The following NAALADL2 variants were observed in gnomAD, a reference collection of about 807,000 sequenced individuals.
The protein encoded by NAALADL2 is N-acetylated alpha-linked acidic dipeptidase like 2, also known as inactive N-acetylated-alpha-linked acidic dipeptidase-like protein 2.
A neutral mutation model predicts 87.2 loss-of-function variants in NAALADL2; 76 were observed. The ratio of observed to expected loss-of-function variants is 0.87; its 90% CI spans 0.72 to 1.05. The LOEUF is 1.05. Among genes scored for constraint, NAALADL2 ranks in the 50% least tolerant of loss-of-function variants. The pLI is 0.00. For missense variants in NAALADL2, 1,089 were observed against 945.8 expected, an observed-to-expected ratio of 1.15 and a Z score of -1.99; for synonymous variants, 354 against 331.0, an observed-to-expected ratio of 1.07 and a Z score of -0.75.
intron 3 of NAALADL2, among the ~76,000 whole-genome samples, chr3:175,236,501 T>C (rs1745893826): frequency 1.3e-5 from 2 of 149,412 alleles, no homozygotes; most frequent in African/African-American, 5.0e-5. Flanking sequence ...TCAGCCAAGA[T>C]TGCCCCATTG....
At chr3:175,496,573 G>A (rs202198768) in intron 9 of NAALADL2, among the ~76,000 whole-genome samples, 1 of 151,938 alleles carries the variant, frequency 6.6e-6, no homozygotes, top group Non-Finnish European at 1.5e-5. Context: ...GTTCTTTTTT[G>A]ATACAGGATC....
intron 11 of NAALADL2, among the ~76,000 whole-genome samples, chr3:175,699,505 C>G (rs1327695916): frequency 6.6e-6 from 1 of 151,886 alleles, no homozygotes; most frequent in African/African-American, 2.4e-5. Flanking sequence ...CTGGAGCCTC[C>G]CATTGATATT....
intron 1 of NAALADL2, among the ~76,000 whole-genome samples, chr3:175,087,309 T>C (rs62287687): frequency 0.24 from 36,168 of 152,096 alleles, 4,389 homozygotes; most frequent in East Asian, 0.33. Context: ...CCCTGGCAGC[T>C]GCCCCTTCCG....
intron 5 of NAALADL2, among the ~76,000 whole-genome samples, chr3:175,444,005 A>G (rs1430495588): frequency 6.6e-6 from 1 of 152,220 alleles, no homozygotes; most frequent in Non-Finnish European, 1.5e-5. Context: ...GGAATGGCTT[A>G]AGCAAAAACA....
intron 2 of NAALADL2, among the ~76,000 whole-genome samples, chr3:175,172,656 A>C (rs1325153554): frequency 1.3e-5 from 2 of 152,198 alleles, no homozygotes; most frequent in Admixed American, 6.5e-5. Context: ...AAAGTTGCTT[A>C]TGACTTATGT....
chr3:174,964,983 C>A (rs1742661882), intron 1 of NAALADL2, among the ~76,000 whole-genome samples: 1 of 150,756 alleles, frequency 6.6e-6, no homozygotes, highest in Non-Finnish European at 1.5e-5. Context: ...ATTGCTACAT[C>A]AAAAAAAATG....
intron 9 of NAALADL2, among the ~76,000 whole-genome samples, chr3:175,490,383 T>C (rs1254294525): frequency 6.6e-6 from 1 of 151,952 alleles, no homozygotes; most frequent in Non-Finnish European, 1.5e-5. Flanking sequence ...TGTTTTTTTG[T>C]TGTTGTTGTT....
At chr3:174,735,079 A>G (rs1259472616) in intron 2 of NAALADL2, among the ~76,000 whole-genome samples, 2 of 152,210 alleles carry the variant, frequency 1.3e-5, no homozygotes. Flanking sequence ...TATAGCTTTC[A>G]AGTATCTCAA....
upstream of NAALADL2, among the ~76,000 whole-genome samples, chr3:174,858,561 T>C (rs114539692): frequency 7.3e-3 from 1,111 of 152,138 alleles, 12 homozygotes; most frequent in African/African-American, 0.025. Flanking sequence ...GGTTGAACAG[T>C]TTTTTTCAGG....
rs1754926342 is a variant in NAALADL2, at chr3:175,808,898, G to A, written c.*5695G>A. ...TACATATATTTTTCAATCAAAATGT[G>A]TAATTATTTAATTATCTAGCCTGCT... On this transcript the variant is annotated 3_prime_UTR_variant, in exon 14 of 14. Transcript: ENST00000454872. 6.6e-6 allele frequency: 1 copy of A among 151,932 alleles called. No individual in the cohort carries two copies. The highest frequency in any genetic ancestry group is 1.5e-5 in the Non-Finnish European group (1 of 67,928). 9.4% of individuals were successfully genotyped at this position (151,932 alleles called of 1,614,324 possible). A position where few individuals can be genotyped will look rare whatever the true frequency, so the allele number is the denominator to read the frequency against.
chr3:175,035,545 G>T (rs1004410448), intron 1 of NAALADL2, among the ~76,000 whole-genome samples: 2 of 152,074 alleles, frequency 1.3e-5, no homozygotes, highest in Non-Finnish European at 2.9e-5. Context: ...TGTCAAAGTG[G>T]CTTAGTAGGC....
chr3:175,087,311 C>G (rs1278133139), intron 1 of NAALADL2, among the ~76,000 whole-genome samples: 1 of 152,170 alleles, frequency 6.6e-6, no homozygotes, highest in African/African-American at 2.4e-5. Context: ...CTGGCAGCTG[C>G]CCCTTCCGGG....
chr3:175,378,720 G>A (rs1173243339), intron 5 of NAALADL2, among the ~76,000 whole-genome samples: 1 of 151,890 alleles, frequency 6.6e-6, no homozygotes, highest in Non-Finnish European at 1.5e-5. Flanking sequence ...TGGAAAACTT[G>A]GACAATCATA....
chr3:175,444,559 A>G (rs1162274605), intron 5 of NAALADL2, among the ~76,000 whole-genome samples: 3 of 152,182 alleles, frequency 2.0e-5, no homozygotes, highest in Non-Finnish European at 2.9e-5. Flanking sequence ...CCACCTGTGC[A>G]GTCTCACAGA....
chr3:175,320,008 A>G (rs1759641512), intron 4 of NAALADL2, among the ~76,000 whole-genome samples: 1 of 152,186 alleles, frequency 6.6e-6, no homozygotes, highest in Non-Finnish European at 1.5e-5. Context: ...ACGCAACATA[A>G]GCAGTAATTG....
At chr3:175,584,245 C>G (rs1720217499) in intron 10 of NAALADL2, among the ~76,000 whole-genome samples, 1 of 152,076 alleles carries the variant, frequency 6.6e-6, no homozygotes, top group East Asian at 1.9e-4. Context: ...ACCATGTTGC[C>G]AGGCCAGTCT....
intron 1 of NAALADL2, among the ~76,000 whole-genome samples, chr3:174,916,325 A>G (rs1018897699): frequency 1.3e-5 from 2 of 152,114 alleles, no homozygotes; most frequent in African/African-American, 4.8e-5. Context: ...ATAGGAACTA[A>G]AAGTAGAACT....
At chr3:175,601,380 G>A (rs1722960374) in intron 10 of NAALADL2, among the ~76,000 whole-genome samples, 1 of 152,094 alleles carries the variant, frequency 6.6e-6, no homozygotes, top group Non-Finnish European at 1.5e-5. Context: ...ACACCAAACA[G>A]CAAAATGGTT....
chr3:175,773,298 G>A (rs1749754679), intron 13 of NAALADL2: 1 of 152,064 alleles, frequency 6.6e-6, no homozygotes, highest in Non-Finnish European at 1.5e-5. Flanking sequence ...CAGATGGTTT[G>A]CTGCTGAAAA....
Sources: allele counts gnomAD v4.1 joint callset (sites outside exome capture counted in the v4.1 genomes callset), GRCh38; gene constraint gnomAD v4.1.1; transcripts MANE v1.5; gene names NCBI Gene and HGNC (gene_info 2026-07-23, HGNC 2026-07-21).